The following SNRPN variants were observed in gnomAD, a reference collection of about 807,000 sequenced individuals.
SNRPN encodes small nuclear ribonucleoprotein-associated protein N.
A neutral mutation model predicts 25.2 loss-of-function variants in SNRPN; 7 were observed. The ratio of observed to expected loss-of-function variants is 0.28; its 90% CI spans 0.16 to 0.52. The LOEUF is 0.52. Among genes scored for constraint, SNRPN ranks in the 20% least tolerant of loss-of-function variants. SNRPN has a pLI of 0.96. For missense variants in SNRPN, 196 were observed against 322.5 expected (o/e 0.61, Z 3.00); for synonymous variants, 124 against 110.6 (o/e 1.12, Z -0.76).
chr15:24,933,390 G>A (rs536642554), intron 3 of SNRPN, among the ~76,000 whole-genome samples: 4 of 152,074 alleles, frequency 2.6e-5, no homozygotes, highest in Non-Finnish European at 5.9e-5. Context: ...AGAGGATAAT[G>A]AGCTTAGTAT....
intron 1 of SNRPN, among the ~76,000 whole-genome samples, chr15:24,865,047 T>G (rs1052161746): frequency 8.2e-4 from 52 of 63,060 alleles, no homozygotes; most frequent in Non-Finnish European, 8.1e-4. Context: ...GAGACTGAGC[T>G]TTTTTTTTTT....
At position 24,929,379 on chromosome 15, in the gene SNRPN, G is replaced by A. The variant is rs2060644824; in HGVS notation, c.-391+9255G>A. On this transcript the variant is annotated intron_variant, in intron 3 of 11. Transcript: ENST00000400097. This position sits in a 1 kb window ranked among gnomAD's most constrained non-coding sequence, Gnocchi z 5.3. ...CCTAGGGTCCCCTTTCCTCTCATCA[G>A]TTGCCAGACAAGAGGAGCATCATCA... Among the ~76,000 whole-genome samples, 1 of 151,930 alleles carries A rather than the reference G, an allele frequency of 6.6e-6. No homozygotes were observed. Among genetic ancestry groups the A allele is most frequent in the Non-Finnish European group, 1.5e-5 (1 of 68,008 alleles).
intron 2 of SNRPN, among the ~76,000 whole-genome samples, chr15:24,899,482 C>T (rs1317264844): frequency 6.6e-6 from 1 of 152,190 alleles, no homozygotes; most frequent in Non-Finnish European, 1.5e-5. Flanking sequence ...TCTGATTCCA[C>T]TGTGGTCTCT....
At chr15:24,912,629 A>G (rs1013761137) in intron 2 of SNRPN, 1 of 152,208 alleles carries the variant, frequency 6.6e-6, no homozygotes, top group Non-Finnish European at 1.5e-5. Flanking sequence ...TTAATGCCCA[A>G]TGCAACAGTA....
chr15:24,930,812 T>C (rs1375249643), intron 3 of SNRPN, among the ~76,000 whole-genome samples: 2 of 151,514 alleles, frequency 1.3e-5, no homozygotes, highest in African/African-American at 2.4e-5. Context: ...GGCAGGAGAA[T>C]TGCTTGAACC....
Position 24,975,523 on chromosome 15 carries a change from G to T in SNRPN, c.155+14G>T, listed in dbSNP as rs759434879. ...CAGAAAGATCAAGTAAGGCTGATTT[G>T]GGCAAATGGGGGTTGGACACAGAGG... is the stretch of plus-strand genomic sequence containing the variant. On this transcript the variant is annotated intron_variant, in intron 5 of 9. Coordinates refer to ENST00000390687, the MANE Select transcript of SNRPN (RefSeq NM_003097.6). 1.1e-5 allele frequency: 18 copies of T among 1,609,318 alleles called. No homozygotes were observed. Among genetic ancestry groups the T allele is most frequent in the Non-Finnish European group, 1.4e-5 (17 of 1,177,284 alleles).
chr15:24,837,649 G>A (rs979056390), intron 2 of SNRPN, among the ~76,000 whole-genome samples: 12 of 151,300 alleles, frequency 7.9e-5, no homozygotes, highest in East Asian at 5.9e-4. Context: ...GATTACAGGC[G>A]TGAGCCACCA....
At chr15:24,898,885 C>T (rs2058257865) in intron 2 of SNRPN, among the ~76,000 whole-genome samples, 1 of 152,152 alleles carries the variant, frequency 6.6e-6, no homozygotes, top group Non-Finnish European at 1.5e-5. Flanking sequence ...GCCCCAAGCT[C>T]TGGGACCCCA....
intron 1 of SNRPN, among the ~76,000 whole-genome samples, chr15:24,956,252 T>C (rs1489737520): frequency 1.3e-5 from 2 of 151,862 alleles, no homozygotes; most frequent in Non-Finnish European, 2.9e-5. Context: ...CTTGGAAGGC[T>C]ATGTCGAAAT....
intron 1 of SNRPN, among the ~76,000 whole-genome samples, chr15:24,956,156 T>G (rs2062829794): frequency 6.6e-6 from 1 of 152,128 alleles, no homozygotes; most frequent in Non-Finnish European, 1.5e-5. Context: ...GTGCAGAACT[T>G]GCATTTACAG....
chr15:24,842,360 T>A (rs1299272611), intron 2 of SNRPN, among the ~76,000 whole-genome samples: 1 of 152,142 alleles, frequency 6.6e-6, no homozygotes, highest in Non-Finnish European at 1.5e-5. Context: ...ACAGAACACA[T>A]TCTCAGGCAG....
At chr15:24,843,972 GAA>G (rs58031649) in intron 2 of SNRPN, among the ~76,000 whole-genome samples, 1 of 135,458 alleles carries the variant, frequency 7.4e-6, no homozygotes. Context: ...ACTCTGTCTT[GAA>G]AAAAAAAAAA....
chr15:24,857,094 A>G (rs1023761164), intron 1 of SNRPN, among the ~76,000 whole-genome samples: 1 of 152,224 alleles, frequency 6.6e-6, no homozygotes, highest in African/African-American at 2.4e-5. Context: ...TCAGAATCGC[A>G]TGCTTTAATA....
chr15:24,960,689 T>C (rs1231470641), intron 1 of SNRPN, among the ~76,000 whole-genome samples: 1 of 152,186 alleles, frequency 6.6e-6, no homozygotes, highest in Non-Finnish European at 1.5e-5. Flanking sequence ...TGGAGGACTG[T>C]CTATTCAAGT....
At chr15:24,907,355 T>G (rs2058873364) in intron 2 of SNRPN, among the ~76,000 whole-genome samples, 1 of 152,084 alleles carries the variant, frequency 6.6e-6, no homozygotes, top group Admixed American at 6.5e-5. Flanking sequence ...CCCAGCACTT[T>G]GGGAGGCCGA....
chr15:24,851,211 C>A (rs2052793734), intron 2 of SNRPN: 1 of 152,064 alleles, frequency 6.6e-6, no homozygotes, highest in Non-Finnish European at 1.5e-5. Flanking sequence ...TGGGTTTTGC[C>A]CAGTGCATGT....
chr15:24,942,481 A>C (rs1416178393), intron 3 of SNRPN: 4 of 152,232 alleles, frequency 2.6e-5, no homozygotes, highest in African/African-American at 9.7e-5. Flanking sequence ...ACCAAATTCC[A>C]TGAGCATGGG....
Position 24,943,813 on chromosome 15 carries a change from CT to C in SNRPN, c.-390-18291del, listed in dbSNP as rs372723376. 9.6e-3 allele frequency among the ~76,000 whole-genome samples: 1,432 copies of C among 149,598 alleles called. 27 individuals are homozygous for C. Among genetic ancestry groups the C allele is most frequent in the African/African-American group, 0.034 (1,374 of 40,826 alleles). On this transcript the variant is annotated intron_variant, in intron 3 of 11. Transcript: ENST00000400097. ...ACTGACACTTCAAGCATTATTGGTT[CT>C]TTTTTTTTTAATTTTTTTATTTTTC...
chr15:24,908,052 CAAAAAAAAAAAAAAAA>C (rs71127014), intron 2 of SNRPN, among the ~76,000 whole-genome samples: 2 of 70,708 alleles, frequency 2.8e-5, no homozygotes, highest in Non-Finnish European at 5.0e-5. Context: ...GACTCCATCT[CAAAAAAAAAAAAAAAA>C]AAAAAAAAAA....
Sources: allele counts gnomAD v4.1 joint callset (sites outside exome capture counted in the v4.1 genomes callset), GRCh38; gene constraint gnomAD v4.1.1; non-coding constraint Gnocchi (gnomAD v3.1); transcripts MANE v1.5; gene names NCBI Gene and HGNC (gene_info 2026-07-23, HGNC 2026-07-21).